Variants in BMP10 observed in about 807,000 individuals in gnomAD.
BMP10 encodes bone morphogenetic protein 10.
In BMP10, 9 loss-of-function variants were observed where a neutral mutation model predicts 29.9. The observed-to-expected ratio is 0.30, with a 90% confidence interval of 0.18 to 0.53. The LOEUF (loss-of-function observed/expected upper bound fraction) is 0.53, where lower values mean the gene tolerates loss of function less well. Ranked by LOEUF, BMP10 falls within the 20% of genes least tolerant of loss-of-function variation. The pLI, the probability that BMP10 is intolerant of heterozygous loss-of-function variation, is 0.96. For missense variants in BMP10, 474 were observed against 524.3 expected, an observed-to-expected ratio of 0.90 and a Z score of 0.94; for synonymous variants, 202 against 200.2, an observed-to-expected ratio of 1.01 and a Z score of -0.07.
chr2:68,864,795 A>G lies in BMP10; in HGVS notation c.*836T>C, dbSNP rs1682922110. Among the ~76,000 whole-genome samples the G allele has an allele frequency of 1.3e-5, 2 of 152,184 alleles. No homozygotes were observed. Among genetic ancestry groups the G allele is most frequent in the Admixed American group, 1.3e-4 (2 of 15,278 alleles). The stretch of plus-strand genomic sequence containing the variant: ...ACACATCTGAGGATAGCCTCTGAGG[A>G]TAACATCAATATCCTCTTCCCTTTC... On this transcript the variant is annotated 3_prime_UTR_variant, in exon 2 of 2. Coordinates refer to ENST00000295379, the MANE Select transcript of BMP10 (RefSeq NM_014482.3).
Position 68,865,662 on chromosome 2 carries a change from C to G in BMP10, c.1244G>C (p.Gly415Ala). The change falls in exon 2 of 2, where the codon GGC becomes GCC. Residue 415 changes from glycine to alanine, a missense_variant. Physicochemically the swap from Gly to Ala is moderately conservative, Grantham distance 60. Transcript: ENST00000295379. The surrounding 1 kb of genome is among the most constrained non-coding windows in gnomAD (Gnocchi z 4.7). ...GVVTYKFKYE[G>A]MAVSECGCR The stretch of plus-strand genomic sequence containing the variant: ...ACAGCCACATTCGGAGACGGCCATG[C>G]CTTCGTATTTAAACTTGTAGGTGAC... 1 of 1,614,042 alleles carries G rather than the reference C, an allele frequency of 6.2e-7. No individual in the cohort carries two copies. Among genetic ancestry groups the G allele is most frequent in the Non-Finnish European group, 8.5e-7 (1 of 1,179,932 alleles).
In BMP10 at chr2:68,866,498, G is replaced by C. The variant is rs1181817819; in HGVS notation, c.408C>G (p.His136Gln). Residue 136 changes from histidine (H) to glutamine (Q), a missense_variant, in exon 2 of 2, where the codon CAC becomes CAG. This residue lies in a region of BMP10 where 408 missense variants were observed against 415.3 expected (regional missense o/e 0.98). Coordinates refer to ENST00000295379, the MANE Select transcript of BMP10 (RefSeq NM_014482.3). Reference protein sequence around the residue: ...YPLLFNVSIPHHEEVIMAELR... With the variant: ...YPLLFNVSIPQHEEVIMAELR... ...GTTCAGCCATGATGACCTCTTCATG[G>C]TGAGGAATGGACACATTGAAGAGGA... is the stretch of plus-strand genomic sequence containing the variant. The C allele has an allele frequency of 6.2e-7, 1 of 1,613,816 alleles. No individual in the cohort carries two copies. The highest frequency in any genetic ancestry group is 2.2e-5 in the East Asian group (1 of 44,890).
At position 68,865,487 on chromosome 2, in the gene BMP10, T is replaced by C. The variant is rs762235640; in HGVS notation, c.*144A>G. 8.0e-5 allele frequency: 65 copies of C among 810,754 alleles called. No homozygotes were observed. The highest frequency in any genetic ancestry group is 1.1e-4 in the Admixed American group (4 of 35,712). 50.2% of individuals were successfully genotyped at this position (810,754 alleles called of 1,614,324 possible). On this transcript the variant is annotated 3_prime_UTR_variant, in exon 2 of 2. Transcript: ENST00000295379. The surrounding 1 kb of genome is among the most constrained non-coding windows in gnomAD (Gnocchi z 4.7). ...AGGGACTTAACTGGAGAGGAAAATA[T>C]GCATTTCCTACAACAAACTGACCTG... is the stretch of plus-strand genomic sequence containing the variant.
intron 1 of BMP10, among the ~76,000 whole-genome samples, chr2:68,870,619 C>T (rs1048908270): frequency 1.3e-5 from 2 of 152,130 alleles, no homozygotes; most frequent in Admixed American, 6.5e-5. Context: ...TGTTTTTACC[C>T]TTTTTATTCT....
chr2:68,862,740 G>A lies in BMP10; in HGVS notation c.*2891C>T, dbSNP rs567923258. The stretch of plus-strand genomic sequence containing the variant: ...TTGAAAGTGACACCGGTGTGCTGCC[G>A]GGGTTCCGGTGGGAGCTGGGAGAAC... On this transcript the variant is annotated 3_prime_UTR_variant, in exon 2 of 2. Transcript: ENST00000295379. 1.2e-4 allele frequency among the ~76,000 whole-genome samples: 19 copies of A among 152,276 alleles called. 1 individual carries two copies. The East Asian group carries it at 3.7e-3, about 29-fold the overall frequency.
rs1682943409 is a variant in BMP10, at chr2:68,865,978, A to G, written c.928T>C (p.Ser310Pro). Residue 310 changes from serine (S) to proline (P), a missense_variant, in exon 2 of 2, where the codon TCC becomes CCC. Transcript: ENST00000295379. This position sits in a 1 kb window ranked among gnomAD's most constrained non-coding sequence, Gnocchi z 4.7. Reference sequence around the variant, plus strand: ...GCGTTCCTTCTGATTCGGGCAGTGGAGTCATAGATGATGTTTGATCTCATC... The same window carrying G: ...GCGTTCCTTCTGATTCGGGCAGTGGGGTCATAGATGATGTTTGATCTCATC... ...LQMRSNIIYD[S>P]TARIRRNAKG... 1 of 1,613,944 alleles carries G rather than the reference A, an allele frequency of 6.2e-7. No homozygotes were observed.
intron 1 of BMP10, among the ~76,000 whole-genome samples, chr2:68,870,470 C>T (rs996382892): frequency 6.6e-6 from 1 of 152,186 alleles, no homozygotes. Flanking sequence ...ATGTACATGA[C>T]ACATCAAACA....
intron 1 of BMP10, among the ~76,000 whole-genome samples, chr2:68,867,656 T>C (rs1682990214): frequency 1.3e-5 from 2 of 152,098 alleles, no homozygotes; most frequent in Non-Finnish European, 2.9e-5. Context: ...CTGAAGGCAT[T>C]TGCCATCAGA....
At position 68,861,306 on chromosome 2, in the gene BMP10, C is replaced by G. The variant is rs1360807533; in HGVS notation, c.*4325G>C. ...GGCGCTGGCACATTGGCCGCCCCAC[C>G]ACTATCAAGCCAGGTGCTCACAAAA... is the stretch of plus-strand genomic sequence containing the variant. On this transcript the variant is annotated 3_prime_UTR_variant, in exon 2 of 2. Coordinates refer to ENST00000295379, the MANE Select transcript of BMP10 (RefSeq NM_014482.3). Among the ~76,000 whole-genome samples, 1 of 152,188 alleles carries G rather than the reference C, an allele frequency of 6.6e-6. No homozygotes were observed. Among genetic ancestry groups the G allele is most frequent in the African/African-American group, 2.4e-5 (1 of 41,436 alleles).
chr2:68,861,571 G>A lies in BMP10; in HGVS notation c.*4060C>T, dbSNP rs1284856123. On this transcript the variant is annotated 3_prime_UTR_variant, in exon 2 of 2. Coordinates refer to ENST00000295379, the MANE Select transcript of BMP10 (RefSeq NM_014482.3). ...TATGTGAGCTTGCAGAACTGCAAAGGGTTGAGAATGACCCACAGTGACTCT... is the reference window on the plus strand; with the variant it reads ...TATGTGAGCTTGCAGAACTGCAAAGAGTTGAGAATGACCCACAGTGACTCT... Among the ~76,000 whole-genome samples, 1 of 152,150 alleles carries A rather than the reference G, an allele frequency of 6.6e-6. No individual in the cohort carries two copies. Among genetic ancestry groups the A allele is most frequent in the Admixed American group, 6.6e-5 (1 of 15,262 alleles).
Position 68,865,015 on chromosome 2 carries a change from C to G in BMP10, c.*616G>C, listed in dbSNP as rs902345524. ...GGGTTCATTTTTTCCTGTTGTACCT[C>G]TAAGACCTCTTAAGTCCATTTGGTT... On this transcript the variant is annotated 3_prime_UTR_variant, in exon 2 of 2. Coordinates refer to ENST00000295379, the MANE Select transcript of BMP10 (RefSeq NM_014482.3). The surrounding 1 kb of genome is among the most constrained non-coding windows in gnomAD (Gnocchi z 4.7). 6.6e-6 allele frequency among the ~76,000 whole-genome samples: 1 copy of G among 152,176 alleles called. No homozygotes were observed. Among genetic ancestry groups the G allele is most frequent in the Non-Finnish European group, 1.5e-5 (1 of 68,026 alleles).
Position 68,864,812 on chromosome 2 carries a change from T to TTCCCTTTC in BMP10, c.*811_*818dup, listed in dbSNP as rs1215164267. On this transcript the variant is annotated 3_prime_UTR_variant, in exon 2 of 2. Transcript: ENST00000295379. ...CTCTGAGGATAACATCAATATCCTC[T>TTCCCTTTC]TCCCTTTCTCCCTTTCTCCCCTTCA... Among the ~76,000 whole-genome samples the TTCCCTTTC allele has an allele frequency of 3.3e-4, 51 of 152,310 alleles. No individual in the cohort carries two copies. The highest frequency in any genetic ancestry group is 1.2e-3 in the African/African-American group (50 of 41,576).
Position 68,862,393 on chromosome 2 carries a change from T to C in BMP10, c.*3238A>G, listed in dbSNP as rs946823577. Among the ~76,000 whole-genome samples, 5 of 152,136 alleles carry C rather than the reference T, an allele frequency of 3.3e-5. No individual in the cohort carries two copies. The highest frequency in any genetic ancestry group is 5.9e-5 in the Non-Finnish European group (4 of 68,034). ...ACTCTGAAGCCCAGAAGACTCTCTA[T>C]CCAAAAGGGAATCACAGACATAAAA... On this transcript the variant is annotated 3_prime_UTR_variant, in exon 2 of 2. Transcript: ENST00000295379.
rs1288813488 is a variant in BMP10, at chr2:68,863,631, T to C, written c.*2000A>G. On this transcript the variant is annotated 3_prime_UTR_variant, in exon 2 of 2. Coordinates refer to ENST00000295379, the MANE Select transcript of BMP10 (RefSeq NM_014482.3). The stretch of plus-strand genomic sequence containing the variant: ...GGCTTTCTCAAAGCATCAATCACTG[T>C]ATACCCACTGACGGTCAAAACACCA... 1.3e-5 allele frequency among the ~76,000 whole-genome samples: 2 copies of C among 152,170 alleles called. No homozygotes were observed. The highest frequency in any genetic ancestry group is 4.8e-5 in the African/African-American group (2 of 41,436).
At position 68,861,798 on chromosome 2, in the gene BMP10, TAAAAA is replaced by T. The variant is rs3833578; in HGVS notation, c.*3828_*3832del. Among the ~76,000 whole-genome samples, 1 of 149,066 alleles carries T rather than the reference TAAAAA, an allele frequency of 6.7e-6. No homozygotes were observed. Among genetic ancestry groups the T allele is most frequent in the Non-Finnish European group, 1.5e-5 (1 of 67,060 alleles). On this transcript the variant is annotated 3_prime_UTR_variant, in exon 2 of 2. Coordinates refer to ENST00000295379, the MANE Select transcript of BMP10 (RefSeq NM_014482.3). ...TACTGAAACATTTAGTAACAGTTCTTAAAAAAAAAAGGTTTTTGTCATTAATTCCC... is the reference window on the plus strand; with the variant it reads ...TACTGAAACATTTAGTAACAGTTCTTAAAAAGGTTTTTGTCATTAATTCCC...
intron 1 of BMP10, among the ~76,000 whole-genome samples, chr2:68,869,044 T>G (rs1683021277): frequency 6.6e-6 from 1 of 152,070 alleles, no homozygotes; most frequent in South Asian, 2.1e-4. Context: ...GATGGAAGAG[T>G]TACATTTCAG....
chr2:68,862,008 T>C lies in BMP10; in HGVS notation c.*3623A>G, dbSNP rs1682867005. ...GCAACAGGTGAATTCAGAGGGGAAGTACCAGATTTGGGGGATGAAAAGATT... is the reference window on the plus strand; with the variant it reads ...GCAACAGGTGAATTCAGAGGGGAAGCACCAGATTTGGGGGATGAAAAGATT... On this transcript the variant is annotated 3_prime_UTR_variant, in exon 2 of 2. Coordinates refer to ENST00000295379, the MANE Select transcript of BMP10 (RefSeq NM_014482.3). Among the ~76,000 whole-genome samples, 1 of 152,202 alleles carries C rather than the reference T, an allele frequency of 6.6e-6. No individual in the cohort carries two copies. Among genetic ancestry groups the C allele is most frequent in the Admixed American group, 6.5e-5 (1 of 15,274 alleles).
In BMP10 at chr2:68,865,264, A is replaced by G. The variant is rs1460294074; in HGVS notation, c.*367T>C. On this transcript the variant is annotated 3_prime_UTR_variant, in exon 2 of 2. Transcript: ENST00000295379. The surrounding 1 kb of genome is among the most constrained non-coding windows in gnomAD (Gnocchi z 4.7). ...TACCATTGGCCTTTAATATGCATAC[A>G]TTTGAGTGAGTCATGCATGTAGATG... Among the ~76,000 whole-genome samples the G allele has an allele frequency of 1.3e-5, 2 of 152,216 alleles. No homozygotes were observed. Among genetic ancestry groups the G allele is most frequent in the African/African-American group, 4.8e-5 (2 of 41,448 alleles).
chr2:68,868,333 T>A (rs1683005354), intron 1 of BMP10, among the ~76,000 whole-genome samples: 1 of 152,184 alleles, frequency 6.6e-6, no homozygotes, highest in Non-Finnish European at 1.5e-5. Context: ...TATAAAAGCC[T>A]CCCTTACTTC....
Sources: allele counts gnomAD v4.1 joint callset (sites outside exome capture counted in the v4.1 genomes callset), GRCh38; gene constraint gnomAD v4.1.1; regional missense constraint gnomAD v4.1.1; non-coding constraint Gnocchi (gnomAD v3.1); transcripts MANE v1.5; gene names NCBI Gene and HGNC (gene_info 2026-07-23, HGNC 2026-07-21).